The following CACNA1A variants were observed in gnomAD, a reference collection of about 807,000 sequenced individuals.
CACNA1A encodes the protein voltage-dependent P/Q-type calcium channel subunit alpha-1A.
In CACNA1A, 57 loss-of-function variants were observed where a neutral mutation model predicts 262.4. That is an observed-to-expected ratio of 0.22 (90% confidence interval 0.18 to 0.27). The LOEUF (loss-of-function observed/expected upper bound fraction) is 0.27, where lower values mean the gene tolerates loss of function less well. Ranked by LOEUF, CACNA1A falls within the 10% of genes least tolerant of loss-of-function variation. The probability of loss-of-function intolerance (pLI) is 1.00; values close to 1 mark genes in which losing one functional copy is unlikely to be tolerated. For synonymous variants in CACNA1A, 1,431 were observed against 1,419.3 expected (o/e 1.01, Z -0.18); for missense variants, 2,526 against 3,562.8 (o/e 0.71, Z 7.41).
rs1312330476 is a variant in CACNA1A, at chr19:13,208,837, C to T, written c.6699G>A (p.Pro2233=). The T allele has an allele frequency of 5.3e-6, 8 of 1,512,188 alleles. No individual in the cohort carries two copies. The Admixed American group carries it at 5.9e-5, about 11-fold the overall frequency. The allele number at this position is 1,512,188 out of a possible 1,614,324, so 93.7% of individuals were successfully genotyped here. The change falls in exon 46 of 47, where the codon CCG becomes CCA. Residue 2233 remains proline (P), a synonymous_variant. Transcript: ENST00000360228. Reference sequence around the variant, plus strand: ...CCCGAGCCCGTGCCCGGCCGTGGTCCGGCCGTTCCTGGGCATAGCGGTCCT... The same window carrying T: ...CCCGAGCCCGTGCCCGGCCGTGGTCTGGCCGTTCCTGGGCATAGCGGTCCT... The part of the protein sequence containing the change: ...PDKDRYAQER[P]DHGRARARDQ...
rs79307131 is a variant in CACNA1A, at chr19:13,492,947, T to C, written c.293+12985A>G. On this transcript the variant is annotated intron_variant, in intron 1 of 46. Transcript: ENST00000360228. ...TAAGGGTGTGGGGATCAAGGGGATATAGAAACACAGTCCATACCAGCAGCA... is the reference window on the plus strand; with the variant it reads ...TAAGGGTGTGGGGATCAAGGGGATACAGAAACACAGTCCATACCAGCAGCA... 8.1e-3 allele frequency among the ~76,000 whole-genome samples: 1,240 copies of C among 152,224 alleles called. 17 individuals carry two copies. Among genetic ancestry groups the C allele is most frequent in the African/African-American group, 0.027 (1,134 of 41,522 alleles).
intron 30 of CACNA1A, 100 bp downstream of exon 30, chr19:13,252,891 G>T: frequency 1.4e-6 from 1 of 703,978 alleles, no homozygotes; most frequent in Non-Finnish European, 2.4e-6. Flanking sequence ...CCTTGAGGTT[G>T]GGGTTCTTGG....
chr19:13,217,697 G>T (rs1372221087), intron 38 of CACNA1A, among the ~76,000 whole-genome samples: 2 of 152,138 alleles, frequency 1.3e-5, no homozygotes, highest in African/African-American at 4.8e-5. Flanking sequence ...GACATCTCCA[G>T]GAGTCTTTGA....
chr19:13,458,882 C>T (rs573207334), intron 1 of CACNA1A, among the ~76,000 whole-genome samples: 7 of 152,310 alleles, frequency 4.6e-5, no homozygotes, highest in Admixed American at 3.9e-4. Context: ...GCTGGAGAAG[C>T]GGCTGCTTGA....
At chr19:13,259,931 G>T (rs2056685373) in intron 26 of CACNA1A, 2 of 501,266 alleles carry the variant, frequency 4.0e-6, no homozygotes, top group Non-Finnish European at 7.2e-6. Context: ...CTTACTCCTG[G>T]TGGGAGAGCT....
intron 26 of CACNA1A, chr19:13,261,181 G>A: frequency 2.7e-6 from 1 of 369,726 alleles, no homozygotes. Flanking sequence ...GTAAGGAACT[G>A]TGGATGTGTA....
intron 30 of CACNA1A, among the ~76,000 whole-genome samples, chr19:13,246,281 T>C (rs993838511): frequency 3.9e-5 from 6 of 152,190 alleles, no homozygotes; most frequent in Non-Finnish European, 8.8e-5. Context: ...GCACACGCAC[T>C]TCCTGGTCCC....
chr19:13,330,262 C>T lies in CACNA1A; in HGVS notation c.1327G>A (p.Ala443Thr), dbSNP rs866479368. Residue 443 changes from alanine (A) to threonine (T), a missense_variant, in exon 10 of 47, where the codon GCT becomes ACT. Ala to Thr is a moderately conservative substitution (Grantham distance 58). Transcript: ENST00000360228. ...LNPEEAEDQL[A>T]DIASVGSPFA... is the part of the protein sequence containing the mutation. Reference sequence around the variant, plus strand: ...GACTCACCCACAGAGGCTATATCAGCCAGCTGATCCTCAGCCTCTTCGGGG... The same window carrying T: ...GACTCACCCACAGAGGCTATATCAGTCAGCTGATCCTCAGCCTCTTCGGGG... 6 of 1,558,596 alleles carry T rather than the reference C, an allele frequency of 3.8e-6. No individual in the cohort carries two copies. In the Admixed American group the frequency reaches 9.6e-5, roughly 25 times the overall value.
At chr19:13,319,203 C>T (rs2058195057) in intron 10 of CACNA1A, among the ~76,000 whole-genome samples, 1 of 152,156 alleles carries the variant, frequency 6.6e-6, no homozygotes, top group Non-Finnish European at 1.5e-5. Context: ...CTTAAGATAC[C>T]TTTTCTTATA....
At chr19:13,493,533 A>G (rs1981150271) in intron 1 of CACNA1A, among the ~76,000 whole-genome samples, 1 of 152,260 alleles carries the variant, frequency 6.6e-6, no homozygotes, top group Non-Finnish European at 1.5e-5. Flanking sequence ...CTTTACATGC[A>G]GCCCAGGAAA....
chr19:13,240,152 A>T (rs1225806483), intron 31 of CACNA1A, among the ~76,000 whole-genome samples: 2 of 117,656 alleles, frequency 1.7e-5, no homozygotes, highest in South Asian at 2.9e-4. Context: ...CTCTGTCTAA[A>T]AAAAAAAAAA....
intron 6 of CACNA1A, among the ~76,000 whole-genome samples, chr19:13,354,320 G>C (rs1307264107): frequency 6.6e-6 from 1 of 152,176 alleles, no homozygotes; most frequent in East Asian, 1.9e-4. Flanking sequence ...ACACCCACTG[G>C]CTTCGGCTCC....
At chr19:13,442,292 T>G (rs1480414775) in intron 3 of CACNA1A, among the ~76,000 whole-genome samples, 2 of 152,190 alleles carry the variant, frequency 1.3e-5, no homozygotes, top group Non-Finnish European at 2.9e-5. Flanking sequence ...ACCTCTATGA[T>G]GCTGTATAAC....
chr19:13,463,248 T>C (rs2061158774), intron 1 of CACNA1A, among the ~76,000 whole-genome samples: 1 of 152,118 alleles, frequency 6.6e-6, no homozygotes, highest in South Asian at 2.1e-4. Context: ...TGGCCACAGT[T>C]TAGTAAAGGC....
intron 38 of CACNA1A, among the ~76,000 whole-genome samples, chr19:13,216,124 C>T (rs539371369): frequency 3.3e-5 from 5 of 151,980 alleles, no homozygotes; most frequent in South Asian, 4.2e-4. Flanking sequence ...TCCACTGCCA[C>T]GGACATGCCC....
intron 3 of CACNA1A, among the ~76,000 whole-genome samples, chr19:13,432,672 T>C (rs917316111): frequency 6.6e-6 from 1 of 150,924 alleles, no homozygotes; most frequent in Admixed American, 6.6e-5. Flanking sequence ...TACAACATAA[T>C]GTAATATACA....
chr19:13,228,601 G>GATAT lies in CACNA1A; in HGVS notation c.5529-1075_5529-1074insATAT, dbSNP rs1311855552. The GATAT allele has an allele frequency of 1.3e-4, 30 of 226,216 alleles. No homozygotes were observed. In the East Asian group the frequency reaches 2.0e-3, roughly 15 times the overall value. The allele number at this position is 226,216 out of a possible 1,614,324, so 14.0% of individuals were successfully genotyped here. A position where few individuals can be genotyped will look rare whatever the true frequency, so the allele number is the denominator to read the frequency against. On this transcript the variant is annotated intron_variant, in intron 36 of 46. Coordinates refer to ENST00000360228, the MANE Select transcript of CACNA1A (RefSeq NM_001127222.2). ...ATGGCTCTGTTTTTTTAGAGAGAGA[G>GATAT]AGAGATATATATATATATATATATG...
At chr19:13,248,700 G>T (rs141266428) in intron 30 of CACNA1A, among the ~76,000 whole-genome samples, 2 of 151,912 alleles carry the variant, frequency 1.3e-5, no homozygotes, top group Non-Finnish European at 2.9e-5. Flanking sequence ...AAAATTAGCC[G>T]GGCGTGATGG....
chr19:13,495,454 G>A (rs1199971818), intron 1 of CACNA1A, among the ~76,000 whole-genome samples: 8 of 151,948 alleles, frequency 5.3e-5, no homozygotes, highest in Admixed American at 3.3e-4. Context: ...CCGCCACCAC[G>A]CCTGGCTAAT....
Sources: allele counts gnomAD v4.1 joint callset (sites outside exome capture counted in the v4.1 genomes callset), GRCh38; gene constraint gnomAD v4.1.1; transcripts MANE v1.5; gene names NCBI Gene and HGNC (gene_info 2026-07-23, HGNC 2026-07-21).